Variants in CXCL13 observed in about 807,000 individuals in gnomAD.
CXCL13 encodes the protein C-X-C motif chemokine ligand 13.
Under a neutral mutation model 12.2 loss-of-function variants are expected in CXCL13, and 7 were observed. The ratio of observed to expected loss-of-function variants is 0.57; its 90% confidence interval spans 0.33 to 1.07. The LOEUF is 1.07. CXCL13 is among the 50% of genes least tolerant of loss of function. The pLI, the probability that CXCL13 is intolerant of heterozygous loss-of-function variation, is 0.04. For missense variants in CXCL13, 113 were observed against 127.4 expected, an observed-to-expected ratio of 0.89 and a Z score of 0.55; for synonymous variants, 47 against 42.4, an observed-to-expected ratio of 1.11 and a Z score of -0.42.
chr4:77,558,115 A>G (rs1725707531), intron 1 of CXCL13, among the ~76,000 whole-genome samples: 1 of 152,156 alleles, frequency 6.6e-6, no homozygotes, highest in South Asian at 2.1e-4. Context: ...AGAAACCAAT[A>G]CTATCTATAC....
Position 77,516,485 on chromosome 4 carries a change from T to G in CXCL13, c.-43+4697T>G, listed in dbSNP as rs528382145. Reference sequence around the variant, plus strand: ...TATTGATTATTGCCACAATTTCAGCTCCTGTTATTGGTCTATTCAGAGATT... The same window carrying G: ...TATTGATTATTGCCACAATTTCAGCGCCTGTTATTGGTCTATTCAGAGATT... On this transcript the variant is annotated intron_variant, in intron 1 of 4. Coordinates refer to the CXCL13 transcript ENST00000286758. Among the ~76,000 whole-genome samples the G allele has an allele frequency of 4.3e-3, 655 of 152,254 alleles. 12 individuals carry two copies. Among genetic ancestry groups the G allele is most frequent in the East Asian group, 0.026 (137 of 5,178 alleles).
intron 1 of CXCL13, among the ~76,000 whole-genome samples, chr4:77,561,764 TG>T (rs945949626): frequency 1.3e-5 from 2 of 152,198 alleles, no homozygotes; most frequent in Admixed American, 6.5e-5. Context: ...AGCACCTCCT[TG>T]GCCTCGGTGC....
chr4:77,522,107 G>T (rs764257946), intron 1 of CXCL13, among the ~76,000 whole-genome samples: 50 of 152,178 alleles, frequency 3.3e-4, no homozygotes, highest in Middle Eastern at 3.2e-3. Flanking sequence ...TTTCACATTT[G>T]CTGAGGAGTG....
At chr4:77,539,450 G>T (rs1401181718) in intron 1 of CXCL13, among the ~76,000 whole-genome samples, 3 of 152,106 alleles carry the variant, frequency 2.0e-5, no homozygotes, top group Non-Finnish European at 4.4e-5. Flanking sequence ...TTGACTTGAG[G>T]TTTTATACAT....
chr4:77,515,942 GT>G (rs1411564327), intron 1 of CXCL13, among the ~76,000 whole-genome samples: 1 of 152,142 alleles, frequency 6.6e-6, no homozygotes, highest in Non-Finnish European at 1.5e-5. Context: ...TTGACTGTGG[GT>G]TTGTCATAGA....
intron 1 of CXCL13, among the ~76,000 whole-genome samples, chr4:77,564,129 C>T (rs935209146): frequency 6.6e-6 from 1 of 152,164 alleles, no homozygotes; most frequent in Admixed American, 6.5e-5. Flanking sequence ...TAATTAAAAA[C>T]TCTTTGAAGT....
At chr4:77,540,384 A>T (rs1191493130) in intron 1 of CXCL13, among the ~76,000 whole-genome samples, 1 of 151,984 alleles carries the variant, frequency 6.6e-6, no homozygotes, top group African/African-American at 2.4e-5. Flanking sequence ...ATAGTACCCA[A>T]TAGTTAATTT....
intron 3 of CXCL13, 79 bp from the exon 4 acceptor site, chr4:77,610,909 C>T: frequency 7.7e-7 from 1 of 1,297,616 alleles, no homozygotes; most frequent in Non-Finnish European, 1.1e-6. Flanking sequence ...AGAGTCCTTG[C>T]CCGGTATCTC....
rs147151507 is a variant in CXCL13 at position 77,577,974 on chromosome 4, C to T, written c.-42-27850C>T. 6.9e-3 allele frequency among the ~76,000 whole-genome samples: 1,044 copies of T among 152,252 alleles called. 11 individuals carry two copies. Among genetic ancestry groups the T allele is most frequent in the African/African-American group, 0.023 (943 of 41,530 alleles). ...TAGGTAATCATGTCTCCATACTATGCGACACTCCCCTCAGATGCATCCTCC... is the reference window on the plus strand; with the variant it reads ...TAGGTAATCATGTCTCCATACTATGTGACACTCCCCTCAGATGCATCCTCC... On this transcript the variant is annotated intron_variant, in intron 1 of 4. Coordinates refer to the CXCL13 transcript ENST00000286758.
intron 1 of CXCL13, among the ~76,000 whole-genome samples, chr4:77,598,871 G>C (rs541674378): frequency 6.6e-6 from 1 of 151,782 alleles, no homozygotes; most frequent in South Asian, 2.1e-4. Flanking sequence ...ACAATGGCAT[G>C]ATCTCGGCTC....
Position 77,547,576 on chromosome 4 carries a change from C to A in CXCL13, c.-43+35788C>A, listed in dbSNP as rs576964699. Among the ~76,000 whole-genome samples the A allele has an allele frequency of 4.0e-5, 6 of 151,604 alleles. No individual in the cohort carries two copies. In the South Asian group the frequency reaches 6.3e-4, roughly 16 times the overall value. On this transcript the variant is annotated intron_variant, in intron 1 of 4. Coordinates refer to the CXCL13 transcript ENST00000286758. ...CAACCCCTGCTTTTTTTTTGTTTTC[C>A]ATTTTCTTGGTAGATCTTCCTCCAT...
intron 1 of CXCL13, among the ~76,000 whole-genome samples, chr4:77,518,282 C>T (rs1200616109): frequency 6.6e-6 from 1 of 152,124 alleles, no homozygotes; most frequent in African/African-American, 2.4e-5. Flanking sequence ...CTTGGAGTTG[C>T]TGTTCTGGAG....
chr4:77,610,286 C>T (rs1727115456), intron 2 of CXCL13, among the ~76,000 whole-genome samples: 1 of 152,156 alleles, frequency 6.6e-6, no homozygotes, highest in Non-Finnish European at 1.5e-5. Context: ...TGTGATATAA[C>T]TTTAGAAGTG....
At chr4:77,580,314 T>C (rs1333734391) in intron 1 of CXCL13, among the ~76,000 whole-genome samples, 19 of 78,340 alleles carry the variant, frequency 2.4e-4, no homozygotes, top group African/African-American at 8.7e-4. Flanking sequence ...CTTTCTTTTT[T>C]TTTTTTTTTT....
chr4:77,540,677 A>G (rs1055107947), intron 1 of CXCL13, among the ~76,000 whole-genome samples: 3 of 152,154 alleles, frequency 2.0e-5, no homozygotes, highest in Non-Finnish European at 4.4e-5. Context: ...CCACTGATGG[A>G]CACCTAGGCT....
At chr4:77,529,760 C>G (rs1197492128) in intron 1 of CXCL13, among the ~76,000 whole-genome samples, 1 of 152,086 alleles carries the variant, frequency 6.6e-6, no homozygotes, top group Non-Finnish European at 1.5e-5. Context: ...AATTGAATAC[C>G]CTTTATTTCC....
At chr4:77,530,772 C>T (rs1239637116) in intron 1 of CXCL13, among the ~76,000 whole-genome samples, 1 of 152,026 alleles carries the variant, frequency 6.6e-6, no homozygotes, top group Non-Finnish European at 1.5e-5. Flanking sequence ...GTCTCTATTT[C>T]CTTCAGTTCT....
chr4:77,609,201 G>A (rs773210125), intron 2 of CXCL13, among the ~76,000 whole-genome samples: 3 of 152,138 alleles, frequency 2.0e-5, no homozygotes, highest in East Asian at 1.9e-4. Flanking sequence ...TAAGATTTAC[G>A]TGCAAAAGTG....
intron 1 of CXCL13, among the ~76,000 whole-genome samples, chr4:77,553,163 T>C (rs994101475): frequency 1.3e-5 from 2 of 152,200 alleles, no homozygotes; most frequent in African/African-American, 2.4e-5. Flanking sequence ...AGCTGTAAGA[T>C]TCGTTGTCTG....
Sources: allele counts gnomAD v4.1 joint callset (sites outside exome capture counted in the v4.1 genomes callset), GRCh38; gene constraint gnomAD v4.1.1; transcripts MANE v1.5; gene names NCBI Gene and HGNC (gene_info 2026-07-23, HGNC 2026-07-21).